Variants in FCRLA observed in about 807,000 individuals in gnomAD.
FCRLA encodes the protein Fc receptor like A, also known as Fc receptor-like A.
In FCRLA, 26 loss-of-function variants were observed where a neutral mutation model predicts 28.4. The observed-to-expected ratio is 0.91, with a 90% confidence interval of 0.67 to 1.27. The LOEUF is 1.27. Ranked by LOEUF, FCRLA falls within the 50% of genes most tolerant of loss-of-function variation. The pLI is 0.00. For missense variants in FCRLA, 422 were observed against 433.1 expected, an observed-to-expected ratio of 0.97 and a Z score of 0.23; for synonymous variants, 174 against 168.5, an observed-to-expected ratio of 1.03 and a Z score of -0.25.
Position 161,712,341 on chromosome 1 carries a change from G to T in FCRLA, c.784+123G>T, listed in dbSNP as rs1185053025. On this transcript the variant is annotated intron_variant, in intron 4 of 4. Transcript: ENST00000236938. ...GCAGGTTAAGAAGGGACACAGAGGGGGCAGGAACAATGGGCCAGAATCCCT... is the reference window on the plus strand; with the variant it reads ...GCAGGTTAAGAAGGGACACAGAGGGTGCAGGAACAATGGGCCAGAATCCCT... The T allele has an allele frequency of 2.6e-6, 3 of 1,173,512 alleles. No individual in the cohort carries two copies. The African/African-American group carries it at 4.6e-5, about 18-fold the overall frequency. 72.7% of individuals were successfully genotyped at this position (1,173,512 alleles called of 1,614,324 possible).
At chr1:161,712,472 T>C (rs1683154232) in intron 4 of FCRLA, among the ~76,000 whole-genome samples, 1 of 152,170 alleles carries the variant, frequency 6.6e-6, no homozygotes, top group Non-Finnish European at 1.5e-5. Context: ...CCACAAGCCT[T>C]AGCATCCCCC....
chr1:161,712,388 T>C (rs1474182965), intron 4 of FCRLA, among the ~76,000 whole-genome samples, 170 bp downstream of exon 4: 1 of 152,088 alleles, frequency 6.6e-6, no homozygotes, highest in Non-Finnish European at 1.5e-5. Flanking sequence ...ACAGCACAAA[T>C]AGAGAACTTC....
chr1:161,713,359 C>T lies in FCRLA; in HGVS notation c.1059C>T (p.Thr353=). Residue 353 remains threonine, a synonymous_variant, in exon 5 of 5, where the codon ACC becomes ACT. Transcript: ENST00000236938. ...TATCTGGCCACCGGAAGCCTGGGAC[C>T]ACAAAGGCTACTGCTGAATAGAAGT... The part of the protein sequence containing the change: ...RELSGHRKPG[T]TKATAE 6.2e-7 allele frequency: 1 copy of T among 1,613,882 alleles called. No individual in the cohort carries two copies. The highest frequency in any genetic ancestry group is 8.5e-7 in the Non-Finnish European group (1 of 1,179,812).
Position 161,710,903 on chromosome 1 carries a change from G to T in FCRLA, c.223G>T (p.Val75Leu), listed in dbSNP as rs757775908. The T allele has an allele frequency of 1.2e-6, 2 of 1,612,874 alleles. No homozygotes were observed. The highest frequency in any genetic ancestry group is 1.7e-6 in the Non-Finnish European group (2 of 1,179,974). ...TTTCAGTGAACCCTTCCACCTGATTGTGTCCTATGGTGAGGTCCTGGGAAG... is the reference window on the plus strand; with the variant it reads ...TTTCAGTGAACCCTTCCACCTGATTTTGTCCTATGGTGAGGTCCTGGGAAG... ...YTFSEPFHLIVSYDWLILQGP... is the reference protein window; with the variant it reads ...YTFSEPFHLILSYDWLILQGP... The change falls in exon 2 of 5, where the codon GTG (valine) becomes TTG (leucine). Residue 75 changes from valine to leucine, a missense_variant. Physicochemically the swap from Val to Leu is conservative, Grantham distance 32 (BLOSUM62 1). This residue lies in a region of FCRLA where 231 missense variants were observed against 214.6 expected (regional missense o/e 1.08). Coordinates refer to ENST00000236938, the MANE Select transcript of FCRLA (RefSeq NM_032738.4).
rs752711889 is a variant in FCRLA at position 161,712,206 on chromosome 1, A to T, written c.772A>T (p.Ile258Phe). 6.2e-7 allele frequency: 1 copy of T among 1,613,110 alleles called. No homozygotes were observed. Among genetic ancestry groups the T allele is most frequent in the Non-Finnish European group, 8.5e-7 (1 of 1,179,492 alleles). The change falls in exon 4 of 5, where the codon ATC (isoleucine) becomes TTC (phenylalanine). Residue 258 changes from isoleucine (I) to phenylalanine (F), a missense_variant. This residue lies in a region of FCRLA where 185 missense variants were observed against 198.1 expected (regional missense o/e 0.93). Transcript: ENST00000236938. Reference sequence around the variant, plus strand: ...TTGGAAACAGAGCCCCCAGCTAGAGATCAGAGTGCAGGGTGAGTTCGCATC... The same window carrying T: ...TTGGAAACAGAGCCCCCAGCTAGAGTTCAGAGTGCAGGGTGAGTTCGCATC... ...QVWKQSPQLE[I>F]RVQGASSSAA...
chr1:161,713,245 T>G lies in FCRLA; in HGVS notation c.945T>G (p.Pro315=). Residue 315 remains proline, a synonymous_variant, in exon 5 of 5, where the codon CCT becomes CCG. Coordinates refer to ENST00000236938, the MANE Select transcript of FCRLA (RefSeq NM_032738.4). ...CTTCTCCTCTGGGGATGCCAGATCC[T>G]CATCTGTATCACCAGATGGGCCTTC... The part of the protein sequence containing the change: ...GFSSPLGMPD[P]HLYHQMGLLL... The G allele has an allele frequency of 6.2e-7, 1 of 1,614,216 alleles. No individual in the cohort carries two copies. The highest frequency in any genetic ancestry group is 1.7e-5 in the Admixed American group (1 of 60,024).
At chr1:161,707,423 G>A (rs2101649040) in intron 1 of FCRLA, 80 bp downstream of exon 1, 1 of 1,456,280 alleles carries the variant, frequency 6.9e-7, no homozygotes, top group Non-Finnish European at 9.2e-7. Context: ...AAAGAAACAT[G>A]GACTAATTCT....
rs1682945486 is a variant in FCRLA, at chr1:161,708,566, T to A, written c.79+1223T>A. ...CCAAGCAGCCTCTACTTTTACCCTC[T>A]CAGCCTTGTAACTTATGCTCTAATA... On this transcript the variant is annotated intron_variant, in intron 1 of 4. Transcript: ENST00000236938. Among the ~76,000 whole-genome samples, 4 of 152,222 alleles carry A rather than the reference T, an allele frequency of 2.6e-5. 1 individual carries two copies. The South Asian group carries it at 8.3e-4, about 32-fold the overall frequency.
At position 161,713,270 on chromosome 1, in the gene FCRLA, C is replaced by A. The variant is rs1322849796; in HGVS notation, c.970C>A (p.Leu324Ile). Residue 324 changes from leucine to isoleucine, a missense_variant, in exon 5 of 5, where the codon CTT becomes ATT. By Grantham distance (5) the Leu-to-Ile change is conservative (BLOSUM62 2). Around this residue, in one of 3 missense-constraint regions of FCRLA, gnomAD observed 185 missense variants for 198.1 expected, o/e 0.93. Transcript: ENST00000236938. ...DPHLYHQMGL[L>I]LKHMQDVRVL... ...TCATCTGTATCACCAGATGGGCCTT[C>A]TTCTCAAACACATGCAGGATGTGAG... 1 of 1,614,220 alleles carries A rather than the reference C, an allele frequency of 6.2e-7. No individual in the cohort carries two copies. Among genetic ancestry groups the A allele is most frequent in the South Asian group, 1.1e-5 (1 of 91,078 alleles).
chr1:161,713,625 A>G lies in FCRLA; in HGVS notation c.*245A>G. On this transcript the variant is annotated 3_prime_UTR_variant, in exon 5 of 5. Transcript: ENST00000236938. ...TCTAGATCAGGAATTTCTATCTGTTATATCGACCAGAATGTTGTGATTTAA... is the reference window on the plus strand; with the variant it reads ...TCTAGATCAGGAATTTCTATCTGTTGTATCGACCAGAATGTTGTGATTTAA... 2.4e-6 allele frequency: 1 copy of G among 410,336 alleles called. No homozygotes were observed. The highest frequency in any genetic ancestry group is 4.3e-6 in the Non-Finnish European group (1 of 230,172). The allele number at this position is 410,336 out of a possible 1,614,324, so 25.4% of individuals were successfully genotyped here.
In FCRLA at chr1:161,711,414, T is replaced by C. The variant is rs199766155; in HGVS notation, c.439T>C (p.Phe147Leu). The C allele has an allele frequency of 3.1e-5, 50 of 1,614,116 alleles. No homozygotes were observed. The highest frequency in any genetic ancestry group is 4.1e-5 in the Non-Finnish European group (48 of 1,180,044). The change falls in exon 3 of 5, where the codon TTC (phenylalanine) becomes CTC (leucine). Residue 147 changes from phenylalanine to leucine, a missense_variant. By Grantham distance (22) the Phe-to-Leu change is conservative. Transcript: ENST00000236938. ...DSGHYHCSGI[F>L]QSPGPGIPET... ...CGGGCACTACCACTGCAGTGGCATC[T>C]TCCAGAGCCCTGGTCCTGGGATCCC...
In FCRLA at chr1:161,711,217, T is replaced by A. The variant is rs146380267; in HGVS notation, c.242T>A (p.Ile81Asn). The change falls in exon 3 of 5, where the codon ATC becomes AAC. Residue 81 changes from isoleucine to asparagine, a missense_variant. Coordinates refer to ENST00000236938, the MANE Select transcript of FCRLA (RefSeq NM_032738.4). ...FHLIVSYDWL[I>N]LQGPAKPVFE... is the part of the protein sequence containing the mutation. ...TTTCTCTGGACCATAGACTGGCTGATCCTCCAAGGTCCAGCCAAGCCAGTT... is the reference window on the plus strand; with the variant it reads ...TTTCTCTGGACCATAGACTGGCTGAACCTCCAAGGTCCAGCCAAGCCAGTT... The A allele has an allele frequency of 7.6e-5, 123 of 1,612,770 alleles. No individual in the cohort carries two copies. In the African/African-American group the frequency reaches 1.3e-3, roughly 17 times the overall value.
Position 161,711,947 on chromosome 1 carries a change from G to C in FCRLA, c.513G>C (p.Ala171=). 1 of 1,609,674 alleles carries C rather than the reference G, an allele frequency of 6.2e-7. No individual in the cohort carries two copies. The highest frequency in any genetic ancestry group is 1.3e-5 in the African/African-American group (1 of 74,720). ...TCTTTTTCCCAGAACTGTTTCCAGC[G>C]CCAATTCTCAGAGCTGTACCCTCAG... The part of the protein sequence containing the change: ...VAITVQELFP[A]PILRAVPSAE... The change falls in exon 4 of 5, where the codon GCG becomes GCC. Residue 171 remains alanine (A), a synonymous_variant. Transcript: ENST00000236938.
chr1:161,711,687 C>G, intron 3 of FCRLA: 1 of 728,628 alleles, frequency 1.4e-6, no homozygotes, highest in Non-Finnish European at 2.2e-6. Flanking sequence ...TCCTACCACC[C>G]AGATCTATGC....
rs1026038057 is a variant in FCRLA at position 161,711,066 on chromosome 1, C to A, written c.233-142C>A. 3.5e-6 allele frequency: 5 copies of A among 1,428,196 alleles called. No individual in the cohort carries two copies. In the African/African-American group the frequency reaches 4.3e-5, roughly 12 times the overall value. 88.5% of individuals were successfully genotyped at this position (1,428,196 alleles called of 1,614,324 possible). A position where few individuals can be genotyped will look rare whatever the true frequency, so the allele number is the denominator to read the frequency against. ...CAACCAGGGTGCTCTAAGTCCTAGG[C>A]CCTAGGGAAGTTGTCCCATACTCCC... On this transcript the variant is annotated intron_variant, in intron 2 of 4. Coordinates refer to ENST00000236938, the MANE Select transcript of FCRLA (RefSeq NM_032738.4).
chr1:161,710,749 G>C lies in FCRLA; in HGVS notation c.80-11G>C. On this transcript the variant is annotated splice_polypyrimidine_tract_variant and intron_variant, in intron 1 of 4. Transcript: ENST00000236938. ...CATTTTCTGGTTCTCCCTGGGCCATGCCCTCTTCAGCTGCCAGTTTTGAGA... is the reference window on the plus strand; with the variant it reads ...CATTTTCTGGTTCTCCCTGGGCCATCCCCTCTTCAGCTGCCAGTTTTGAGA... 6.2e-7 allele frequency: 1 copy of C among 1,614,134 alleles called. No individual in the cohort carries two copies. Among genetic ancestry groups the C allele is most frequent in the South Asian group, 1.1e-5 (1 of 91,086 alleles).
At chr1:161,709,969 G>C (rs573500109) in intron 1 of FCRLA, among the ~76,000 whole-genome samples, 1 of 152,282 alleles carries the variant, frequency 6.6e-6, no homozygotes, top group South Asian at 2.1e-4. Context: ...TCAAGTGGCA[G>C]AGGACATTAA....
At position 161,711,968 on chromosome 1, in the gene FCRLA, CT is replaced by C. The variant is rs1181217605; in HGVS notation, c.535del (p.Ser179GlnfsTer10). ...FPAPILRAVP[S>X]AEPQAGSPMT... is the part of the protein sequence containing the mutation. ...CAGCGCCAATTCTCAGAGCTGTACC[CT>C]CAGCTGAACCCCAAGCAGGAAGCCC... On this transcript the variant is annotated frameshift_variant, in exon 4 of 5. Transcript: ENST00000236938. LOFTEE classifies it high-confidence loss of function. 6.2e-7 allele frequency: 1 copy of C among 1,613,828 alleles called. No homozygotes were observed. The highest frequency in any genetic ancestry group is 1.7e-5 in the Admixed American group (1 of 59,982).
Position 161,713,213 on chromosome 1 carries a change from G to A in FCRLA, c.913G>A (p.Gly305Ser). The change falls in exon 5 of 5, where the codon GGC (glycine) becomes AGC (serine). Residue 305 changes from glycine (G) to serine (S), a missense_variant. Gly to Ser is a moderately conservative substitution (Grantham distance 56). Transcript: ENST00000236938. The part of the protein sequence containing the change: ...PPPTPSSEDP[G>S]FSSPLGMPDP... ...GCCAACCCCATCTTCTGAGGATCCAGGCTTTTCTTCTCCTCTGGGGATGCC... is the reference window on the plus strand; with the variant it reads ...GCCAACCCCATCTTCTGAGGATCCAAGCTTTTCTTCTCCTCTGGGGATGCC... 1 of 1,614,204 alleles carries A rather than the reference G, an allele frequency of 6.2e-7. No individual in the cohort carries two copies. Among genetic ancestry groups the A allele is most frequent in the Non-Finnish European group, 8.5e-7 (1 of 1,180,040 alleles).
Sources: gnomAD v4.1 joint callset for allele counts (sites outside exome capture counted in the v4.1 genomes callset) on GRCh38, gnomAD v4.1.1 for gene constraint, gnomAD v4.1.1 regional missense constraint, MANE v1.5 for transcripts, NCBI Gene and HGNC (gene_info 2026-07-23, HGNC 2026-07-21) for gene names.